The following TRABD2B variants were observed in gnomAD, a reference collection of about 807,000 sequenced individuals.
The protein encoded by TRABD2B is metalloprotease TIKI2.
In TRABD2B, 14 loss-of-function variants were observed where a neutral mutation model predicts 40.1. The ratio of observed to expected loss-of-function variants is 0.35; its 90% CI spans 0.23 to 0.55. TRABD2B has a LOEUF of 0.55. Among genes scored for constraint, TRABD2B ranks in the 20% least tolerant of loss-of-function variants. The pLI is 0.90. For synonymous variants in TRABD2B, 263 were observed against 277.0 expected, an observed-to-expected ratio of 0.95 and a Z score of 0.50; for missense variants, 541 against 648.6, an observed-to-expected ratio of 0.83 and a Z score of 1.80.
chr1:47,824,468 T>C (rs911085984), intron 2 of TRABD2B, among the ~76,000 whole-genome samples: 5 of 152,208 alleles, frequency 3.3e-5, no homozygotes, highest in African/African-American at 1.2e-4. Flanking sequence ...AACAAACCTG[T>C]GGGTGGATGG....
chr1:47,803,015 CAA>C (rs903424214), intron 2 of TRABD2B, among the ~76,000 whole-genome samples: 113 of 143,594 alleles, frequency 7.9e-4, no homozygotes, highest in African/African-American at 2.7e-3. Flanking sequence ...TTCCTTCAAG[CAA>C]AAAAAAAAAA....
chr1:47,886,153 A>G (rs955130875), intron 2 of TRABD2B, among the ~76,000 whole-genome samples: 10 of 152,114 alleles, frequency 6.6e-5, no homozygotes, highest in Non-Finnish European at 1.2e-4. Context: ...CCTCACCCAA[A>G]CCTGGTTCAT....
Position 47,770,064 on chromosome 1 carries a change from T to C in TRABD2B, c.1350-3958A>G, listed in dbSNP as rs560776037. Among the ~76,000 whole-genome samples the C allele has an allele frequency of 9.8e-5, 15 of 152,308 alleles. No individual in the cohort carries two copies. In the East Asian group the frequency reaches 2.9e-3, roughly 30 times the overall value. ...GTGGGTCTTGGCACTAGAGGGTCTC[T>C]GAGAGCCATCCCAGTCTAGGATCTG... is the stretch of plus-strand genomic sequence containing the variant. On this transcript the variant is annotated intron_variant, in intron 6 of 6. Coordinates refer to ENST00000606738, the MANE Select transcript of TRABD2B (RefSeq NM_001194986.2).
At chr1:47,820,885 AGACTAC>A (rs1645099969) in intron 2 of TRABD2B, among the ~76,000 whole-genome samples, 1 of 152,206 alleles carries the variant, frequency 6.6e-6, no homozygotes, top group Non-Finnish European at 1.5e-5. Context: ...TAAAATAATA[AGACTAC>A]GGCTCAGAGA....
chr1:47,972,350 T>G (rs1645693234), intron 2 of TRABD2B, among the ~76,000 whole-genome samples: 1 of 152,190 alleles, frequency 6.6e-6, no homozygotes, highest in African/African-American at 2.4e-5. Context: ...TCAGCACTGT[T>G]ATGTACTGAA....
At chr1:47,829,088 C>T (rs1645215436) in intron 2 of TRABD2B, among the ~76,000 whole-genome samples, 1 of 152,126 alleles carries the variant, frequency 6.6e-6, no homozygotes, top group South Asian at 2.1e-4. Flanking sequence ...GATGACTGGC[C>T]CCAGGGACCC....
chr1:47,993,490 G>A (rs549442921), intron 2 of TRABD2B, among the ~76,000 whole-genome samples: 1 of 152,256 alleles, frequency 6.6e-6, no homozygotes, highest in East Asian at 1.9e-4. Context: ...GCGGTCCGAG[G>A]GTCACCTAGA....
intron 2 of TRABD2B, among the ~76,000 whole-genome samples, chr1:47,916,378 G>A (rs1233767871): frequency 6.6e-6 from 1 of 152,170 alleles, no homozygotes; most frequent in Non-Finnish European, 1.5e-5. Flanking sequence ...TGGCATCAAG[G>A]GACTTCCAGA....
At chr1:47,775,832 G>C (rs1365050036) in intron 5 of TRABD2B, among the ~76,000 whole-genome samples, 2 of 152,160 alleles carry the variant, frequency 1.3e-5, no homozygotes, top group Non-Finnish European at 2.9e-5. Flanking sequence ...ACAGGTGTGA[G>C]AGTGGGGGTG....
chr1:47,889,383 G>A (rs974478913), intron 2 of TRABD2B, among the ~76,000 whole-genome samples: 13 of 152,326 alleles, frequency 8.5e-5, no homozygotes, highest in African/African-American at 2.6e-4. Flanking sequence ...GGTTTGGGGG[G>A]AAATAAAGGA....
chr1:47,949,432 G>T (rs1180296696), intron 2 of TRABD2B, among the ~76,000 whole-genome samples: 1 of 113,776 alleles, frequency 8.8e-6, no homozygotes, highest in Non-Finnish European at 1.8e-5. Flanking sequence ...TTTTGAGACA[G>T]GGTCTCACTC....
intron 4 of TRABD2B, among the ~76,000 whole-genome samples, chr1:47,791,724 C>G (rs1644675940): frequency 6.6e-6 from 1 of 152,142 alleles, no homozygotes; most frequent in South Asian, 2.1e-4. Context: ...ATGTGGGACT[C>G]AGAAATTACA....
intron 2 of TRABD2B, among the ~76,000 whole-genome samples, chr1:47,950,702 C>T (rs778611196): frequency 3.3e-5 from 5 of 152,218 alleles, no homozygotes; most frequent in Admixed American, 6.5e-5. Context: ...GAGGCTGCCT[C>T]GGTCACTCTC....
chr1:47,900,389 T>C (rs756907424), intron 2 of TRABD2B, among the ~76,000 whole-genome samples: 51 of 152,192 alleles, frequency 3.4e-4, no homozygotes, highest in Non-Finnish European at 7.2e-4. Flanking sequence ...AGGCACTCTG[T>C]TGGGTACTTA....
chr1:47,891,460 T>C (rs889878531), intron 2 of TRABD2B, among the ~76,000 whole-genome samples: 5 of 151,974 alleles, frequency 3.3e-5, no homozygotes, highest in African/African-American at 1.2e-4. Context: ...CGGGACTACC[T>C]TGGGTAAAAA....
intron 2 of TRABD2B, among the ~76,000 whole-genome samples, chr1:47,933,321 C>G (rs1035329054): frequency 3.3e-5 from 5 of 151,808 alleles, no homozygotes; most frequent in African/African-American, 1.2e-4. Context: ...AACATATTAG[C>G]CAGGATGATC....
chr1:47,837,274 C>T (rs1023871181), intron 2 of TRABD2B, among the ~76,000 whole-genome samples: 1 of 152,194 alleles, frequency 6.6e-6, no homozygotes, highest in Non-Finnish European at 1.5e-5. Context: ...ATAACCTCAG[C>T]ACCAAGAGGG....
intron 2 of TRABD2B, among the ~76,000 whole-genome samples, chr1:47,949,894 C>T (rs773689349): frequency 1.7e-4 from 26 of 152,172 alleles, no homozygotes; most frequent in Non-Finnish European, 2.9e-4. Flanking sequence ...TAGGATGTAC[C>T]AGGCATGGAG....
At chr1:47,781,627 A>G (rs72890302) in intron 4 of TRABD2B, among the ~76,000 whole-genome samples, 4,299 of 152,326 alleles carry the variant, frequency 0.028, 209 homozygotes, top group African/African-American at 0.097. Context: ...CCAATCAGGA[A>G]TAATCCTTCC....
Sources: gnomAD v4.1 joint callset for allele counts (sites outside exome capture counted in the v4.1 genomes callset) on GRCh38, gnomAD v4.1.1 for gene constraint, MANE v1.5 for transcripts, NCBI Gene and HGNC (gene_info 2026-07-23, HGNC 2026-07-21) for gene names.